Variants in RAI14 observed in about 807,000 individuals in gnomAD.
The protein encoded by RAI14 is retinoic acid induced 14, also known as ankycorbin.
RAI14 carries 45 observed loss-of-function variants against 115.4 expected under a neutral mutation model. The ratio of observed to expected loss-of-function variants is 0.39; its 90% CI spans 0.31 to 0.50. The LOEUF is 0.50. Ranked by LOEUF, RAI14 falls within the 20% of genes least tolerant of loss-of-function variation. The pLI, the probability that RAI14 is intolerant of heterozygous loss-of-function variation, is 0.85. For missense variants in RAI14, 939 were observed against 1,131.2 expected (o/e 0.83, Z 2.44); for synonymous variants, 371 against 415.4 (o/e 0.89, Z 1.30).
intron 3 of RAI14, among the ~76,000 whole-genome samples, chr5:34,779,601 A>G (rs1025104110): frequency 7.9e-5 from 12 of 152,348 alleles, no homozygotes; most frequent in Middle Eastern, 3.4e-3. Context: ...CCAAACCATG[A>G]GTGAACTCCC....
At chr5:34,752,922 C>T (rs936416329) in intron 2 of RAI14, among the ~76,000 whole-genome samples, 4 of 151,504 alleles carry the variant, frequency 2.6e-5, no homozygotes, top group African/African-American at 7.3e-5. Flanking sequence ...CACGAGCCAC[C>T]GTGCCCAGTC....
intron 3 of RAI14, among the ~76,000 whole-genome samples, chr5:34,760,348 T>C (rs1329487149): frequency 6.6e-6 from 1 of 152,044 alleles, no homozygotes; most frequent in Non-Finnish European, 1.5e-5. Flanking sequence ...TTTAAAAATA[T>C]TGATGCCATG....
At chr5:34,816,850 G>A (rs573818877) in intron 12 of RAI14, among the ~76,000 whole-genome samples, 2 of 151,138 alleles carry the variant, frequency 1.3e-5, no homozygotes, top group South Asian at 2.1e-4. Context: ...AGTGCAATCC[G>A]AAGAATATCA....
intron 3 of RAI14, among the ~76,000 whole-genome samples, chr5:34,785,819 T>C (rs899063925): frequency 6.6e-6 from 1 of 152,252 alleles, no homozygotes; most frequent in African/African-American, 2.4e-5. Context: ...AGCTGTACTA[T>C]ATGCTCTCCT....
At chr5:34,728,667 C>G (rs540349347) in intron 2 of RAI14, 1 of 152,230 alleles carries the variant, frequency 6.6e-6, no homozygotes, top group South Asian at 2.1e-4. Flanking sequence ...AACTGTGAGT[C>G]CATTAAACTT....
At chr5:34,665,174 C>CATATATATATATATAT (rs1426275543) in intron 1 of RAI14, among the ~76,000 whole-genome samples, 1 of 3,050 alleles carries the variant, frequency 3.3e-4, no homozygotes, top group African/African-American at 8.8e-4. Flanking sequence ...TATATATATA[C>CATATATATATATATAT]ACACATATAT....
At chr5:34,670,404 T>C (rs1430723833) in intron 1 of RAI14, among the ~76,000 whole-genome samples, 2 of 152,230 alleles carry the variant, frequency 1.3e-5, no homozygotes, top group Non-Finnish European at 2.9e-5. Context: ...ATAATAACAG[T>C]AGAATTTAAT....
At position 34,827,384 on chromosome 5, in the gene RAI14, T is replaced by C. The variant is rs759272309; in HGVS notation, c.2799+905T>C. Among the ~76,000 whole-genome samples the C allele has an allele frequency of 6.6e-6, 1 of 152,200 alleles. No individual in the cohort carries two copies. Among genetic ancestry groups the C allele is most frequent in the Admixed American group, 6.5e-5 (1 of 15,278 alleles). On this transcript the variant is annotated intron_variant, in intron 16 of 17. Coordinates refer to ENST00000265109, the MANE Select transcript of RAI14 (RefSeq NM_015577.3). The surrounding 1 kb of genome is among the most constrained non-coding windows in gnomAD (Gnocchi z 4.2). Reference sequence around the variant, plus strand: ...GGTTCTGGGGATTAGGATGTGGACATCTTTCAAGAGCCATTATTTAGCTTA... The same window carrying C: ...GGTTCTGGGGATTAGGATGTGGACACCTTTCAAGAGCCATTATTTAGCTTA...
Position 34,775,795 on chromosome 5 carries a change from AGG to A in RAI14, c.167+18199_167+18200del, listed in dbSNP as rs372956392. 2.3e-3 allele frequency among the ~76,000 whole-genome samples: 349 copies of A among 152,350 alleles called. 1 individual carries two copies. Among genetic ancestry groups the A allele is most frequent in the African/African-American group, 8.0e-3 (332 of 41,578 alleles). On this transcript the variant is annotated intron_variant, in intron 3 of 17. Coordinates refer to ENST00000265109, the MANE Select transcript of RAI14 (RefSeq NM_015577.3). Reference sequence around the variant, plus strand: ...AAATGTTGGCAAGGATATGGGGAAAAGGGAACCCTCATACACTGTTGGGGAGA... The same window carrying A: ...AAATGTTGGCAAGGATATGGGGAAAAGAACCCTCATACACTGTTGGGGAGA...
rs556135290 is a variant in RAI14, at chr5:34,772,757, G to A, written c.167+15159G>A. ...CCATCATTCATTCAGGCTGCCACCC[G>A]GCTGCTATTTGAGGCTGCTAGGGAC... On this transcript the variant is annotated intron_variant, in intron 3 of 17. Coordinates refer to ENST00000265109, the MANE Select transcript of RAI14 (RefSeq NM_015577.3). Among the ~76,000 whole-genome samples, 5 of 152,172 alleles carry A rather than the reference G, an allele frequency of 3.3e-5. No homozygotes were observed. In the South Asian group the frequency reaches 8.3e-4, roughly 25 times the overall value.
chr5:34,675,028 C>T (rs1297972608), intron 1 of RAI14, among the ~76,000 whole-genome samples: 1 of 152,002 alleles, frequency 6.6e-6, no homozygotes, highest in Non-Finnish European at 1.5e-5. Flanking sequence ...TCCCAAGTAG[C>T]TGGGACTACA....
At chr5:34,828,457 G>T (rs79837457) in intron 16 of RAI14, among the ~76,000 whole-genome samples, 1,800 of 152,006 alleles carry the variant, frequency 0.012, 27 homozygotes, top group African/African-American at 0.042. Flanking sequence ...TAATTGAGTA[G>T]AGGTTGCTGA....
intron 11 of RAI14, among the ~76,000 whole-genome samples, chr5:34,813,881 G>A (rs566295705): frequency 1.3e-5 from 2 of 152,164 alleles, no homozygotes; most frequent in East Asian, 1.9e-4. Flanking sequence ...CAGTAGAATC[G>A]AATAGCCTCT....
At chr5:34,793,577 G>A (rs931275852) in intron 3 of RAI14, among the ~76,000 whole-genome samples, 2 of 152,160 alleles carry the variant, frequency 1.3e-5, no homozygotes, top group African/African-American at 4.8e-5. Flanking sequence ...TTAGCAAGCT[G>A]TACAATTATA....
At chr5:34,664,639 C>A (rs550988737) in intron 1 of RAI14, among the ~76,000 whole-genome samples, 7 of 151,680 alleles carry the variant, frequency 4.6e-5, no homozygotes, top group Admixed American at 1.3e-4. Flanking sequence ...TTTTTTATTT[C>A]CATGGGTTAT....
chr5:34,669,427 A>G (rs893356756), intron 1 of RAI14, among the ~76,000 whole-genome samples: 2 of 152,196 alleles, frequency 1.3e-5, no homozygotes, highest in South Asian at 4.1e-4. Context: ...CATAGTCCCT[A>G]CAACAAAGGG....
intron 5 of RAI14, among the ~76,000 whole-genome samples, chr5:34,807,043 G>A (rs1362309006): frequency 2.0e-5 from 3 of 152,158 alleles, no homozygotes; most frequent in South Asian, 2.1e-4. Context: ...TGCCTGGCAC[G>A]TGAGAGCTAA....
intron 2 of RAI14, among the ~76,000 whole-genome samples, chr5:34,725,149 AG>A (rs746879011): frequency 2.5e-4 from 38 of 152,194 alleles, no homozygotes; most frequent in Non-Finnish European, 2.4e-4. Context: ...CTTTAAAACT[AG>A]GTGACAGGGT....
At chr5:34,710,978 G>A (rs1247327882) in intron 2 of RAI14, among the ~76,000 whole-genome samples, 2 of 152,158 alleles carry the variant, frequency 1.3e-5, no homozygotes, top group Non-Finnish European at 2.9e-5. Flanking sequence ...ACGTTTGACT[G>A]ACTAGGTTTG....
Sources: allele counts gnomAD v4.1 joint callset (sites outside exome capture counted in the v4.1 genomes callset), GRCh38; gene constraint gnomAD v4.1.1; non-coding constraint Gnocchi (gnomAD v3.1); transcripts MANE v1.5; gene names NCBI Gene and HGNC (gene_info 2026-07-23, HGNC 2026-07-21).